The following NFYC variants were observed in gnomAD, a reference collection of about 807,000 sequenced individuals.
NFYC encodes CAAT box DNA-binding protein subunit C.
In NFYC, 25 loss-of-function variants were observed where a neutral mutation model predicts 53.1. That is an observed-to-expected ratio of 0.47 (90% CI 0.34 to 0.66). The LOEUF (loss-of-function observed/expected upper bound fraction) is 0.66. Ranked by LOEUF, NFYC falls within the 30% of genes least tolerant of loss-of-function variation. NFYC has a pLI of 0.01. For synonymous variants in NFYC, 145 were observed against 152.6 expected, an observed-to-expected ratio of 0.95 and a Z score of 0.37; for missense variants, 260 against 422.7, an observed-to-expected ratio of 0.62 and a Z score of 3.38.
chr1:40,760,873 C>G (rs1401584447), intron 6 of NFYC, among the ~76,000 whole-genome samples: 2 of 152,226 alleles, frequency 1.3e-5, no homozygotes, highest in Non-Finnish European at 2.9e-5. Flanking sequence ...GGCTCAAGGC[C>G]TCGACTGTAT....
At chr1:40,711,344 ATTTG>A (rs747133973) in intron 1 of NFYC, among the ~76,000 whole-genome samples, 12 of 152,152 alleles carry the variant, frequency 7.9e-5, no homozygotes, top group African/African-American at 2.7e-4. Flanking sequence ...ATTTAAATTT[ATTTG>A]TTTGTCATTG....
intron 6 of NFYC, 114 bp downstream of exon 6, chr1:40,758,408 T>A: frequency 8.3e-7 from 1 of 1,202,760 alleles, no homozygotes; most frequent in Non-Finnish European, 1.1e-6. Flanking sequence ...GCACTGGATT[T>A]AAAGTCTGGA....
intron 5 of NFYC, chr1:40,757,918 G>T: frequency 1.7e-6 from 1 of 604,650 alleles, no homozygotes; most frequent in South Asian, 2.0e-5. Context: ...TATGTTTTGT[G>T]AAGCCTATAG....
At chr1:40,748,111 C>T (rs1304078094) in intron 3 of NFYC, among the ~76,000 whole-genome samples, 3 of 151,532 alleles carry the variant, frequency 2.0e-5, no homozygotes, top group Non-Finnish European at 2.9e-5. Flanking sequence ...GCTGGGATTA[C>T]AGGTGTGAGC....
intron 1 of NFYC, among the ~76,000 whole-genome samples, chr1:40,729,902 C>T (rs906249699): frequency 6.6e-6 from 1 of 152,172 alleles, no homozygotes; most frequent in Non-Finnish European, 1.5e-5. Flanking sequence ...TCTTGAACTC[C>T]TGACCTCAGG....
intron 5 of NFYC, among the ~76,000 whole-genome samples, chr1:40,757,002 C>T (rs1432956930): frequency 2.0e-5 from 3 of 152,212 alleles, no homozygotes; most frequent in Admixed American, 6.5e-5. Context: ...TCAATACCAG[C>T]TTTGTAAATG....
chr1:40,758,364 G>A, intron 6 of NFYC, 70 bp downstream of exon 6: 4 of 1,473,138 alleles, frequency 2.7e-6, no homozygotes, highest in Non-Finnish European at 3.6e-6. Flanking sequence ...GGCAGAGCTT[G>A]ATGAGGGCAG....
At chr1:40,736,529 GCATCCCGTCA>G (rs1229901938) in intron 1 of NFYC, among the ~76,000 whole-genome samples, 1 of 152,138 alleles carries the variant, frequency 6.6e-6, no homozygotes, top group African/African-American at 2.4e-5. Flanking sequence ...CTCCCTGCCA[GCATCCCGTCA>G]CTGGCACGTT....
chr1:40,729,313 G>T (rs1466528684), intron 1 of NFYC, among the ~76,000 whole-genome samples: 1 of 152,202 alleles, frequency 6.6e-6, no homozygotes, highest in African/African-American at 2.4e-5. Context: ...GATAAAACTT[G>T]CTGCAGCTTC....
At chr1:40,754,317 T>C (rs1646086957) in intron 5 of NFYC, 1 of 534,352 alleles carries the variant, frequency 1.9e-6, no homozygotes, top group Non-Finnish European at 3.8e-6. Context: ...ACCTCCTTAC[T>C]AGAGTAGGGT....
intron 2 of NFYC, among the ~76,000 whole-genome samples, chr1:40,745,314 A>G (rs940829874): frequency 1.3e-5 from 2 of 152,218 alleles, no homozygotes; most frequent in Non-Finnish European, 2.9e-5. Context: ...AGAGAGCTAA[A>G]TGTATGATCA....
chr1:40,761,413 G>A (rs1042448371), intron 6 of NFYC, among the ~76,000 whole-genome samples: 2 of 152,156 alleles, frequency 1.3e-5, no homozygotes, highest in Admixed American at 6.5e-5. Flanking sequence ...AATATCCTTC[G>A]TAGGACAGAA....
chr1:40,746,484 A>G (rs1645611802), intron 2 of NFYC, among the ~76,000 whole-genome samples: 1 of 152,198 alleles, frequency 6.6e-6, no homozygotes, highest in African/African-American at 2.4e-5. Context: ...AATTACATCA[A>G]ATCTGAAATA....
At chr1:40,717,484 C>T (rs1407410967) in intron 1 of NFYC, among the ~76,000 whole-genome samples, 1 of 152,152 alleles carries the variant, frequency 6.6e-6, no homozygotes, top group Non-Finnish European at 1.5e-5. Context: ...CCTCGCAGTC[C>T]TTGGAGCACC....
chr1:40,746,575 T>G (rs1470390079), intron 2 of NFYC, among the ~76,000 whole-genome samples: 1 of 152,174 alleles, frequency 6.6e-6, no homozygotes, highest in Non-Finnish European at 1.5e-5. Context: ...TCAGACCACT[T>G]ATAGAATCAA....
chr1:40,768,754 C>G (rs1646943641), intron 8 of NFYC: 1 of 152,546 alleles, frequency 6.6e-6, no homozygotes, highest in African/African-American at 2.4e-5. Flanking sequence ...ACTCCCGGTC[C>G]CTCCCCTTTT....
At chr1:40,759,147 G>A (rs1434864013) in intron 6 of NFYC, among the ~76,000 whole-genome samples, 2 of 152,026 alleles carry the variant, frequency 1.3e-5, no homozygotes, top group African/African-American at 2.4e-5. Flanking sequence ...CAATGTGGGA[G>A]GAACCCAGGA....
At chr1:40,692,105 G>T (rs533436354) in intron 1 of NFYC, 6 of 197,804 alleles carry the variant, frequency 3.0e-5, no homozygotes, top group Non-Finnish European at 6.6e-5. Context: ...TCCCATTGGC[G>T]GAAGGCGACG....
intron 2 of NFYC, 118 bp downstream of exon 2, chr1:40,739,066 G>A (rs1645204179): frequency 5.5e-6 from 4 of 727,358 alleles, no homozygotes; most frequent in Non-Finnish European, 9.3e-6. Flanking sequence ...CAGAGGCATG[G>A]TTCACCCCTG....
Sources: allele counts gnomAD v4.1 joint callset (sites outside exome capture counted in the v4.1 genomes callset), GRCh38; gene constraint gnomAD v4.1.1; transcripts MANE v1.5; gene names NCBI Gene and HGNC (gene_info 2026-07-23, HGNC 2026-07-21).